Variants in LOC400499 observed in about 807,000 individuals in gnomAD.
At chr16:11,443,330 C>CA in the LOC400499 span, 11,007 of 259,862 alleles carry the variant, frequency 0.042, 854 homozygotes, top group Non-Finnish European at 0.051. Flanking sequence ...TCCTCAGTCT[C>CA]AAAAAAAAAA....
the LOC400499 span, chr16:11,450,638 C>T: frequency 6.5e-7 from 1 of 1,536,062 alleles, no homozygotes; most frequent in Non-Finnish European, 8.7e-7. Flanking sequence ...GCGGTGTAAA[C>T]CTGGATCTTG....
chr16:11,525,917 A>G, the LOC400499 span, among the ~76,000 whole-genome samples: 12 of 152,216 alleles, frequency 7.9e-5, no homozygotes, highest in East Asian at 3.8e-4. Context: ...AAATTCTTCA[A>G]TCAGATCCTA....
At chr16:11,392,591 C>T in the LOC400499 span, 1 of 414,542 alleles carries the variant, frequency 2.4e-6, no homozygotes, top group Admixed American at 4.4e-5. Flanking sequence ...CCCACTGCCC[C>T]AGGCCAAGCC....
the LOC400499 span, chr16:11,396,752 A>G: frequency 8.6e-7 from 1 of 1,161,066 alleles, no homozygotes; most frequent in Non-Finnish European, 1.1e-6. Context: ...TGCACCGAGA[A>G]TGCAGCAGCA....
the LOC400499 span, among the ~76,000 whole-genome samples, chr16:11,425,602 T>A: frequency 6.6e-6 from 1 of 152,028 alleles, no homozygotes; most frequent in Admixed American, 6.6e-5. Context: ...GTACACCAGC[T>A]CCCTCCCAGG....
the LOC400499 span, among the ~76,000 whole-genome samples, chr16:11,501,758 A>C: frequency 1.3e-5 from 2 of 151,980 alleles, no homozygotes; most frequent in Admixed American, 1.3e-4. Flanking sequence ...AGGGTACCCT[A>C]GGTGCATTGG....
chr16:11,453,626 G>A, the LOC400499 span, among the ~76,000 whole-genome samples: 3 of 152,004 alleles, frequency 2.0e-5, no homozygotes, highest in Non-Finnish European at 4.4e-5. Flanking sequence ...ATGAAGTCGA[G>A]GAAATCGGCT....
chr16:11,497,421 A>G, the LOC400499 span, among the ~76,000 whole-genome samples: 3 of 152,220 alleles, frequency 2.0e-5, no homozygotes, highest in African/African-American at 4.8e-5. Flanking sequence ...GGCAGGGGTT[A>G]TAAAAAGACT....
At chr16:11,397,741 TGGAGGGAGGGAGGGATGGAGGGAG>T in the LOC400499 span, among the ~76,000 whole-genome samples, 8 of 70,018 alleles carry the variant, frequency 1.1e-4, no homozygotes, top group Non-Finnish European at 2.3e-4. Context: ...GTCCTTGGGA[TGGAGGGAGGGAGGGATGGAGGGAG>T]GGAGGGATGG....
At chr16:11,478,827 T>C in the LOC400499 span, 2 of 397,226 alleles carry the variant, frequency 5.0e-6, no homozygotes, top group Non-Finnish European at 8.9e-6. Flanking sequence ...GGGAGATGAC[T>C]GAATCATGGG....
chr16:11,478,027 C>T, the LOC400499 span: 174 of 398,430 alleles, frequency 4.4e-4, 1 homozygote, highest in Middle Eastern at 6.2e-4. Context: ...AAATGATAAG[C>T]GGGGGCCGGG....
the LOC400499 span, among the ~76,000 whole-genome samples, chr16:11,434,544 C>A: frequency 6.6e-6 from 1 of 152,136 alleles, no homozygotes; most frequent in South Asian, 2.1e-4. Flanking sequence ...TTAGTGTCCA[C>A]CAGAGAACTG....
chr16:11,425,182 G>C, the LOC400499 span: 5 of 398,878 alleles, frequency 1.3e-5, no homozygotes, highest in Non-Finnish European at 2.2e-5. Flanking sequence ...TGTCCGTGCC[G>C]GGGGCCCCAG....
At chr16:11,398,536 G>A in the LOC400499 span, 3 of 1,231,648 alleles carry the variant, frequency 2.4e-6, no homozygotes, top group Non-Finnish European at 1.0e-6. Flanking sequence ...TATGGGTCAG[G>A]GGCTCATCAC....
At chr16:11,423,490 C>G in the LOC400499 span, among the ~76,000 whole-genome samples, 1 of 152,228 alleles carries the variant, frequency 6.6e-6, no homozygotes, top group East Asian at 1.9e-4. Flanking sequence ...ACGGTGCTAA[C>G]TGAACCACAG....
At chr16:11,377,150 C>CTTT in the LOC400499 span, among the ~76,000 whole-genome samples, 1 of 152,128 alleles carries the variant, frequency 6.6e-6, no homozygotes, top group Admixed American at 6.6e-5. Context: ...TTCTTGGATT[C>CTTT]TTGACTGTTA....
At chr16:11,518,578 G>C in the LOC400499 span, among the ~76,000 whole-genome samples, 1 of 152,048 alleles carries the variant, frequency 6.6e-6, no homozygotes, top group African/African-American at 2.4e-5. Context: ...CATGCTGGGG[G>C]TCACAGGCAG....
the LOC400499 span, among the ~76,000 whole-genome samples, chr16:11,448,627 T>G: frequency 1.7e-4 from 26 of 152,312 alleles, 1 homozygote; most frequent in South Asian, 5.0e-3. Flanking sequence ...CTTAGTAGGC[T>G]GAGCGGGGAG....
chr16:11,375,848 G>T, the LOC400499 span, among the ~76,000 whole-genome samples: 1 of 151,288 alleles, frequency 6.6e-6, no homozygotes, highest in African/African-American at 2.4e-5. Context: ...TCCTGCCTCA[G>T]CCTCCCAAGT....
Sources: gnomAD v4.1 joint callset for allele counts (sites outside exome capture counted in the v4.1 genomes callset) on GRCh38, gnomAD v4.1.1 for gene constraint, MANE v1.5 for transcripts.